IHH: variants seen among roughly 807,000 people sequenced by gnomAD.
IHH encodes indian hedgehog protein.
In IHH, 9 loss-of-function variants were observed where a neutral mutation model predicts 29.4. The observed-to-expected ratio is 0.31, with a 90% CI of 0.18 to 0.53. The LOEUF (loss-of-function observed/expected upper bound fraction) is 0.53. Ranked by LOEUF, IHH falls within the 20% of genes least tolerant of loss-of-function variation. The pLI, the probability that IHH is intolerant of heterozygous loss-of-function variation, is 0.95. For missense variants in IHH, 454 were observed against 578.1 expected, an observed-to-expected ratio of 0.79 and a Z score of 2.20; for synonymous variants, 254 against 252.7, an observed-to-expected ratio of 1.01 and a Z score of -0.05.
At chr2:219,057,326 G>A in intron 2 of IHH, 107 bp downstream of exon 2, 1 of 1,299,064 alleles carries the variant, frequency 7.7e-7, no homozygotes. Flanking sequence ...TCTTCCCCCG[G>A]ATCCCTGCCT....
chr2:219,056,770 T>G (rs986493518), intron 2 of IHH, among the ~76,000 whole-genome samples: 1 of 151,960 alleles, frequency 6.6e-6, no homozygotes, highest in African/African-American at 2.4e-5. Flanking sequence ...CATGGCTGGG[T>G]TCAGTGTAGG....
chr2:219,056,068 ATCT>A (rs1199155143), intron 2 of IHH, among the ~76,000 whole-genome samples: 1 of 148,688 alleles, frequency 6.7e-6, no homozygotes, highest in Non-Finnish European at 1.5e-5. Flanking sequence ...CTCCAATGTG[ATCT>A]TCTGTGACCC....
chr2:219,054,962 T>C lies in IHH; in HGVS notation c.*245A>G. 1.8e-6 allele frequency: 1 copy of C among 570,784 alleles called. No homozygotes were observed. Among genetic ancestry groups the C allele is most frequent in the South Asian group, 2.1e-5 (1 of 48,226 alleles). 35.4% of individuals were successfully genotyped at this position (570,784 alleles called of 1,614,324 possible). A position where few individuals can be genotyped will look rare whatever the true frequency, so the allele number is the denominator to read the frequency against. ...GAGTCGCCGTGCCAGCCTCAAGGTC[T>C]CTAGGAGAGAGGGGTCAACAACCAT... is the stretch of plus-strand genomic sequence containing the variant. On this transcript the variant is annotated 3_prime_UTR_variant, in exon 3 of 3. Coordinates refer to ENST00000295731, the MANE Select transcript of IHH (RefSeq NM_002181.4).
chr2:219,054,544 G>A lies in IHH; in HGVS notation c.*663C>T, dbSNP rs1948812719. On this transcript the variant is annotated 3_prime_UTR_variant, in exon 3 of 3. Transcript: ENST00000295731. The stretch of plus-strand genomic sequence containing the variant: ...AGGTATGGGAGACTGACCGGCGGAG[G>A]GGGTGGGGATCATGGTTCAGCAGAA... 6.6e-6 allele frequency: 1 copy of A among 152,662 alleles called. No homozygotes were observed. The highest frequency in any genetic ancestry group is 2.4e-5 in the African/African-American group (1 of 41,438). 9.5% of individuals were successfully genotyped at this position (152,662 alleles called of 1,614,324 possible).
Position 219,057,582 on chromosome 2 carries a change from G to C in IHH, c.428C>G (p.Ser143Cys). 1 of 1,614,082 alleles carries C rather than the reference G, an allele frequency of 6.2e-7. No homozygotes were observed. Reference protein sequence around the residue: ...WDEDGHHSEESLHYEGRAVDI... With the variant: ...WDEDGHHSEECLHYEGRAVDI... ...CACCGCGCGGCCCTCATAATGCAGG[G>C]ACTCCTCTGAGTGGTGGCCGTCCTC... The change falls in exon 2 of 3, where the codon TCC becomes TGC. Residue 143 changes from serine (S) to cysteine (C), a missense_variant. By Grantham distance (112) the Ser-to-Cys change is moderately radical. Coordinates refer to ENST00000295731, the MANE Select transcript of IHH (RefSeq NM_002181.4).
At chr2:219,057,755 G>T (rs1191677514) in intron 1 of IHH, 61 bp from the exon 2 acceptor site, 2 of 1,592,828 alleles carry the variant, frequency 1.3e-6, no homozygotes, top group African/African-American at 2.7e-5. Context: ...GCCGGCCGAG[G>T]TGCAGGTGTA....
intron 1 of IHH, among the ~76,000 whole-genome samples, chr2:219,058,211 C>T (rs1214685877): frequency 6.6e-6 from 1 of 152,140 alleles, no homozygotes; most frequent in African/African-American, 2.4e-5. Flanking sequence ...GGACGACAGG[C>T]TCTGGAGGCG....
In IHH at chr2:219,054,897, G is replaced by C. The variant is rs900761676; in HGVS notation, c.*310C>G. The C allele has an allele frequency of 2.8e-5, 11 of 399,428 alleles. No homozygotes were observed. The highest frequency in any genetic ancestry group is 2.2e-4 in the African/African-American group (11 of 49,094). The allele number at this position is 399,428 out of a possible 1,614,324, so 24.7% of individuals were successfully genotyped here. ...GAATGGGCCCTCCCCAATGGGGGAG[G>C]CAGAGTATGAAAACTCGTAGTGAGA... On this transcript the variant is annotated 3_prime_UTR_variant, in exon 3 of 3. Coordinates refer to ENST00000295731, the MANE Select transcript of IHH (RefSeq NM_002181.4).
Position 219,057,777 on chromosome 2 carries a change from G to T in IHH, c.316-83C>A, listed in dbSNP as rs1948844032. The T allele has an allele frequency of 2.3e-5, 35 of 1,505,596 alleles. 1 individual carries two copies. The South Asian group carries it at 4.2e-4, about 18-fold the overall frequency. 93.3% of individuals were successfully genotyped at this position (1,505,596 alleles called of 1,614,324 possible). ...GAGGTGCAGGTGTAGGCGCAGCCTC[G>T]CCCAGAACTCTCCCGCCACACCCAA... On this transcript the variant is annotated intron_variant, in intron 1 of 2. Transcript: ENST00000295731.
At chr2:219,057,845 A>C in intron 1 of IHH, 151 bp from the exon 2 acceptor site, 1 of 1,064,656 alleles carries the variant, frequency 9.4e-7, no homozygotes, top group Non-Finnish European at 1.4e-6. Context: ...CTCCCTTAGG[A>C]ACAGAGGGCC....
intron 1 of IHH, 128 bp from the exon 2 acceptor site, chr2:219,057,822 G>A (rs1281725160): frequency 7.7e-7 from 1 of 1,301,226 alleles, no homozygotes; most frequent in Non-Finnish European, 1.1e-6. Context: ...AAGCCCGGGA[G>A]GGTGCTGTCC....
At position 219,054,820 on chromosome 2, in the gene IHH, T is replaced by A. The variant is rs760368949; in HGVS notation, c.*387A>T. 1 of 240,654 alleles carries A rather than the reference T, an allele frequency of 4.2e-6. No homozygotes were observed. The highest frequency in any genetic ancestry group is 2.3e-5 in the African/African-American group (1 of 43,818). The allele number at this position is 240,654 out of a possible 1,614,324, so 14.9% of individuals were successfully genotyped here. A position where few individuals can be genotyped will look rare whatever the true frequency, so the allele number is the denominator to read the frequency against. On this transcript the variant is annotated 3_prime_UTR_variant, in exon 3 of 3. Coordinates refer to ENST00000295731, the MANE Select transcript of IHH (RefSeq NM_002181.4). ...AGATCCATGCTGGCTCCCAGGGAAT[T>A]TAGCAGCATCAACTGAGGCGCAAGC...
rs956439051 is a variant in IHH, at chr2:219,054,784, C to T, written c.*423G>A. On this transcript the variant is annotated 3_prime_UTR_variant, in exon 3 of 3. Coordinates refer to ENST00000295731, the MANE Select transcript of IHH (RefSeq NM_002181.4). ...TGGCCTTCCCAGTTCTGGACAGCAT[C>T]GGGTCCAGCCAGATCCATGCTGGCT... The T allele has an allele frequency of 6.1e-5, 13 of 212,406 alleles. No individual in the cohort carries two copies. The highest frequency in any genetic ancestry group is 1.2e-4 in the African/African-American group (5 of 43,028). 13.2% of individuals were successfully genotyped at this position (212,406 alleles called of 1,614,324 possible).
rs1301771366 is a variant in IHH at position 219,054,856 on chromosome 2, G to A, written c.*351C>T. ...AACTGAGGCGCAAGCCCACCCAAAG[G>A]GGCCTAAGATGGATGGAATGGGCCC... On this transcript the variant is annotated 3_prime_UTR_variant, in exon 3 of 3. Transcript: ENST00000295731. 1 of 276,842 alleles carries A rather than the reference G, an allele frequency of 3.6e-6. No individual in the cohort carries two copies. Among genetic ancestry groups the A allele is most frequent in the Non-Finnish European group, 6.9e-6 (1 of 144,854 alleles). The allele number at this position is 276,842 out of a possible 1,614,324, so 17.1% of individuals were successfully genotyped here.
Position 219,060,092 on chromosome 2 carries a change from T to C in IHH, c.315+61A>G. ...TCGAGAAAATGTGCCAGGGGGTGGG[T>C]AGGGCCGGGCAGGTGGCCGTGCTTC... On this transcript the variant is annotated intron_variant, in intron 1 of 2. Transcript: ENST00000295731. The surrounding 1 kb of genome is among the most constrained non-coding windows in gnomAD (Gnocchi z 8.8). The C allele has an allele frequency of 7.0e-7, 1 of 1,430,984 alleles. No individual in the cohort carries two copies. Among genetic ancestry groups the C allele is most frequent in the Non-Finnish European group, 9.7e-7 (1 of 1,034,794 alleles). The allele number at this position is 1,430,984 out of a possible 1,614,324, so 88.6% of individuals were successfully genotyped here. A position where few individuals can be genotyped will look rare whatever the true frequency, so the allele number is the denominator to read the frequency against.
chr2:219,058,046 G>A (rs1948846285), intron 1 of IHH, among the ~76,000 whole-genome samples: 1 of 152,236 alleles, frequency 6.6e-6, no homozygotes, highest in Admixed American at 6.5e-5. Context: ...ACACCTTTCA[G>A]CGCCCGGTCC....
chr2:219,057,141 G>C (rs1280879587), intron 2 of IHH, among the ~76,000 whole-genome samples: 1 of 152,220 alleles, frequency 6.6e-6, no homozygotes, highest in Non-Finnish European at 1.5e-5. Flanking sequence ...CATCTGTCCA[G>C]CTTGCTCTGT....
intron 1 of IHH, chr2:219,058,870 A>T (rs995704281): frequency 6.4e-6 from 1 of 155,204 alleles, no homozygotes; most frequent in South Asian, 2.0e-4. Flanking sequence ...AGCCAATAGC[A>T]GCTACAACCC....
rs1445712646 is a variant in IHH at position 219,060,756 on chromosome 2, G to A, written c.-289C>T. Reference sequence around the variant, plus strand: ...CCGGCCCGTTTGTTTTGGCAACGCGGCGGCGGCGGGGGGCGGCGGGCGGCG... The same window carrying A: ...CCGGCCCGTTTGTTTTGGCAACGCGACGGCGGCGGGGGGCGGCGGGCGGCG... On this transcript the variant is annotated 5_prime_UTR_variant, in exon 1 of 3. Transcript: ENST00000295731. This position sits in a 1 kb window ranked among gnomAD's most constrained non-coding sequence, Gnocchi z 8.8. Among the ~76,000 whole-genome samples, 8 of 148,326 alleles carry A rather than the reference G, an allele frequency of 5.4e-5. No homozygotes were observed. The highest frequency in any genetic ancestry group is 5.4e-4 in the Admixed American group (8 of 14,950).
Sources: gnomAD v4.1 joint callset for allele counts (sites outside exome capture counted in the v4.1 genomes callset) on GRCh38, gnomAD v4.1.1 for gene constraint, Gnocchi (gnomAD v3.1) non-coding constraint, MANE v1.5 for transcripts, NCBI Gene and HGNC (gene_info 2026-07-23, HGNC 2026-07-21) for gene names.